The following LANCL2 variants were observed in gnomAD, a reference collection of about 807,000 sequenced individuals.
LANCL2 encodes LanC like glutathione S-transferase 2, also known as lanC-like protein 2.
In LANCL2, 33 loss-of-function variants were observed where a neutral mutation model predicts 56.9. The ratio of observed to expected loss-of-function variants is 0.58; its 90% CI spans 0.44 to 0.78. LANCL2 has a LOEUF of 0.78. Ranked by LOEUF, LANCL2 falls within the 30% of genes least tolerant of loss-of-function variation. The pLI, the probability that LANCL2 is intolerant of heterozygous loss-of-function variation, is 0.00. For synonymous variants in LANCL2, 233 were observed against 228.2 expected (o/e 1.02, Z -0.19); for missense variants, 562 against 580.2 (o/e 0.97, Z 0.32).
rs75007174 is a variant in LANCL2 at position 55,431,620 on chromosome 7, A to G, written c.*300A>G. On this transcript the variant is annotated 3_prime_UTR_variant, in exon 9 of 9. Transcript: ENST00000254770. ...AAGGCCCTTCTATTCCTGAGGGCTC[A>G]GAGCTGACCATGCATGAATGTATGG... 2,474 of 311,046 alleles carry G rather than the reference A, an allele frequency of 8.0e-3. 25 individuals carry two copies. The highest frequency in any genetic ancestry group is 0.021 in the African/African-American group (998 of 46,716). The allele number at this position is 311,046 out of a possible 1,614,324, so 19.3% of individuals were successfully genotyped here.
chr7:55,390,777 T>A lies in LANCL2; in HGVS notation c.205-1016T>A, dbSNP rs117633769. Among the ~76,000 whole-genome samples, 984 of 133,238 alleles carry A rather than the reference T, an allele frequency of 7.4e-3. 17 individuals carry two copies. The highest frequency in any genetic ancestry group is 0.068 in the East Asian group (328 of 4,820). 87.4% of individuals were successfully genotyped at this position (133,238 alleles called of 152,430 possible). ...GCCTGAGCGACAGAGCAAAACTGTC[T>A]CAAAAAAAAAAAATCAGCAAAGGTA... On this transcript the variant is annotated intron_variant, in intron 1 of 8. Transcript: ENST00000254770.
chr7:55,382,268 A>G (rs1381555952), intron 1 of LANCL2, among the ~76,000 whole-genome samples: 1 of 152,204 alleles, frequency 6.6e-6, no homozygotes, highest in East Asian at 1.9e-4. Flanking sequence ...TTCATGAAAA[A>G]TGAGGAAATC....
chr7:55,403,332 A>G (rs1165507193), intron 5 of LANCL2, among the ~76,000 whole-genome samples: 1 of 152,132 alleles, frequency 6.6e-6, no homozygotes, highest in Non-Finnish European at 1.5e-5. Context: ...AATCGCAGGC[A>G]CTCGGCAGGC....
chr7:55,398,542 C>G lies in LANCL2; in HGVS notation c.442C>G (p.Leu148Val). The change falls in exon 3 of 9, where the codon CTC becomes GTC. Residue 148 changes from leucine (L) to valine (V), a missense_variant. By Grantham distance (32) the Leu-to-Val change is conservative (BLOSUM62 1). Coordinates refer to ENST00000254770, the MANE Select transcript of LANCL2 (RefSeq NM_018697.4). ...RNLNGRRVTF[L>V]CGDAGPLAVG... ...TCTGAATGGCCGCAGGGTCACCTTC[C>G]TCTGTGGGGATGCTGGCCCCCTGGC... 1 of 1,614,222 alleles carries G rather than the reference C, an allele frequency of 6.2e-7. No homozygotes were observed. Among genetic ancestry groups the G allele is most frequent in the Non-Finnish European group, 8.5e-7 (1 of 1,180,038 alleles).
At chr7:55,424,907 A>T (rs1002508983) in intron 6 of LANCL2, among the ~76,000 whole-genome samples, 2 of 152,202 alleles carry the variant, frequency 1.3e-5, no homozygotes, top group Non-Finnish European at 2.9e-5. Flanking sequence ...CGAGGGATCT[A>T]GGTTGCGCGC....
intron 6 of LANCL2, among the ~76,000 whole-genome samples, chr7:55,423,203 T>C (rs1583766232): frequency 6.6e-6 from 1 of 152,246 alleles, no homozygotes; most frequent in East Asian, 1.9e-4. Context: ...TAGAAGTAGC[T>C]GTTTGCTTAG....
At chr7:55,370,540 G>T (rs7793433) in intron 1 of LANCL2, among the ~76,000 whole-genome samples, 42,001 of 152,090 alleles carry the variant, frequency 0.28, 6,423 homozygotes, top group Non-Finnish European at 0.35. Flanking sequence ...CCATTGCTAG[G>T]TGTAGCCTCC....
intron 1 of LANCL2, among the ~76,000 whole-genome samples, chr7:55,391,093 T>C (rs1790183329): frequency 6.7e-6 from 1 of 149,620 alleles, no homozygotes; most frequent in Non-Finnish European, 1.5e-5. Flanking sequence ...CTCGGCTCAC[T>C]GTAAGCTCCG....
At chr7:55,375,293 CAGA>C (rs1789988575) in intron 1 of LANCL2, among the ~76,000 whole-genome samples, 1 of 152,176 alleles carries the variant, frequency 6.6e-6, no homozygotes, top group Non-Finnish European at 1.5e-5. Flanking sequence ...ATAAAAAATA[CAGA>C]AGAACACAAG....
Position 55,366,042 on chromosome 7 carries a change from C to G in LANCL2, c.17C>G (p.Ser6Ter). MGETM[S>*]KRLKLHLGGE... Reference sequence around the variant, plus strand: ...GCGGCGGAGATGGGCGAGACCATGTCAAAGAGGCTGAAGCTCCACCTGGGA... The same window carrying G: ...GCGGCGGAGATGGGCGAGACCATGTGAAAGAGGCTGAAGCTCCACCTGGGA... Residue 6 changes from serine (S) to a stop codon, truncating the protein, a stop_gained, in exon 1 of 9, where the codon TCA (serine) becomes TGA (stop). Transcript: ENST00000254770. LOFTEE classifies it high-confidence loss of function. 6.7e-7 allele frequency: 1 copy of G among 1,501,610 alleles called. No homozygotes were observed. Among genetic ancestry groups the G allele is most frequent in the South Asian group, 1.2e-5 (1 of 80,014 alleles). 93.0% of individuals were successfully genotyped at this position (1,501,610 alleles called of 1,614,324 possible). A position where few individuals can be genotyped will look rare whatever the true frequency, so the allele number is the denominator to read the frequency against.
chr7:55,405,029 A>G (rs1790389015), intron 5 of LANCL2, among the ~76,000 whole-genome samples: 1 of 152,212 alleles, frequency 6.6e-6, no homozygotes, highest in Non-Finnish European at 1.5e-5. Context: ...AACAACCAAT[A>G]GGAGATAAAT....
chr7:55,368,498 T>C (rs1325559993), intron 1 of LANCL2, among the ~76,000 whole-genome samples: 1 of 152,196 alleles, frequency 6.6e-6, no homozygotes, highest in East Asian at 1.9e-4. Flanking sequence ...AAAGATTGCT[T>C]CTTGGTTATT....
At chr7:55,391,552 C>G (rs1403824867) in intron 1 of LANCL2, among the ~76,000 whole-genome samples, 1 of 148,910 alleles carries the variant, frequency 6.7e-6, no homozygotes, top group Non-Finnish European at 1.5e-5. Flanking sequence ...TCTTTGATTT[C>G]TGCAAGTTGT....
At chr7:55,406,864 CA>C (rs1790413638) in intron 5 of LANCL2, among the ~76,000 whole-genome samples, 1 of 152,324 alleles carries the variant, frequency 6.6e-6, no homozygotes, top group African/African-American at 2.4e-5. Flanking sequence ...GCTCCAGCTG[CA>C]AACCTGTGAA....
At chr7:55,404,343 A>C (rs1790380116) in intron 5 of LANCL2, among the ~76,000 whole-genome samples, 1 of 152,000 alleles carries the variant, frequency 6.6e-6, no homozygotes, top group African/African-American at 2.4e-5. Flanking sequence ...AGCTTTCTTT[A>C]TTCTGCAAAA....
intron 1 of LANCL2, among the ~76,000 whole-genome samples, chr7:55,380,054 TCG>T (rs1790049160): frequency 6.6e-6 from 1 of 152,246 alleles, no homozygotes; most frequent in African/African-American, 2.4e-5. Flanking sequence ...GTAGGAATTA[TCG>T]TAATTTACTT....
intron 1 of LANCL2, among the ~76,000 whole-genome samples, chr7:55,379,162 A>G (rs1439911006): frequency 1.5e-5 from 1 of 65,050 alleles, no homozygotes; most frequent in Non-Finnish European, 3.5e-5. Context: ...AAAACACAAA[A>G]CAAAACAAAA....
chr7:55,395,825 T>C (rs1790245205), intron 2 of LANCL2, among the ~76,000 whole-genome samples: 4 of 152,212 alleles, frequency 2.6e-5, no homozygotes, highest in Admixed American at 2.0e-4. Context: ...ATTACAGTCA[T>C]GCATCGCTTC....
At chr7:55,389,442 G>T (rs1051305240) in intron 1 of LANCL2, among the ~76,000 whole-genome samples, 1 of 152,186 alleles carries the variant, frequency 6.6e-6, no homozygotes, top group African/African-American at 2.4e-5. Flanking sequence ...AAAGAAAAAG[G>T]TTGAAAGTGA....
Sources: allele counts gnomAD v4.1 joint callset (sites outside exome capture counted in the v4.1 genomes callset), GRCh38; gene constraint gnomAD v4.1.1; transcripts MANE v1.5; gene names NCBI Gene and HGNC (gene_info 2026-07-23, HGNC 2026-07-21).